DDX19B: variants seen among roughly 807,000 people sequenced by gnomAD.
DDX19B encodes DEAD-box helicase 19B.
A neutral mutation model predicts 58.1 loss-of-function variants in DDX19B; 27 were observed. The ratio of observed to expected loss-of-function variants is 0.46; its 90% confidence interval spans 0.34 to 0.64. The LOEUF (loss-of-function observed/expected upper bound fraction) is 0.64, where lower values mean the gene tolerates loss of function less well. Among genes scored for constraint, DDX19B ranks in the 30% least tolerant of loss-of-function variants. DDX19B has a pLI of 0.01. For synonymous variants in DDX19B, 187 were observed against 214.4 expected, an observed-to-expected ratio of 0.87 and a Z score of 1.12; for missense variants, 399 against 596.5, an observed-to-expected ratio of 0.67 and a Z score of 3.45.
upstream of DDX19B, among the ~76,000 whole-genome samples, chr16:70,295,999 T>G (rs1286227647): frequency 6.6e-6 from 1 of 150,816 alleles, no homozygotes; most frequent in African/African-American, 2.5e-5. Flanking sequence ...TGTGTGTATC[T>G]TAAGCATTTT....
chr16:70,306,553 CA>C (rs1961765814), intron 1 of DDX19B, among the ~76,000 whole-genome samples: 1 of 152,130 alleles, frequency 6.6e-6, no homozygotes, highest in African/African-American at 2.4e-5. Context: ...CTTGAGTTTG[CA>C]TCATAGAGTT....
intron 5 of DDX19B, among the ~76,000 whole-genome samples, chr16:70,324,381 A>G (rs963002819): frequency 2.7e-5 from 4 of 150,214 alleles, no homozygotes; most frequent in African/African-American, 9.9e-5. Context: ...AAAAAAAAAA[A>G]AAAAAAAGAA....
At chr16:70,328,706 C>T (rs998607687) in intron 7 of DDX19B, among the ~76,000 whole-genome samples, 6 of 151,900 alleles carry the variant, frequency 3.9e-5, no homozygotes, top group Non-Finnish European at 1.5e-5. Flanking sequence ...TGACTGTAGT[C>T]ACCACATTGT....
In DDX19B at chr16:70,333,722, T is replaced by C; in HGVS notation, c.*140T>C. On this transcript the variant is annotated 3_prime_UTR_variant, in exon 12 of 12. Coordinates refer to ENST00000288071, the MANE Select transcript of DDX19B (RefSeq NM_007242.7). Reference sequence around the variant, plus strand: ...ACTACCTACCTCACTTCAAATTATGTTTGGACTTGACAAAAATGTATGCAA... The same window carrying C: ...ACTACCTACCTCACTTCAAATTATGCTTGGACTTGACAAAAATGTATGCAA... The C allele has an allele frequency of 7.5e-7, 1 of 1,336,978 alleles. No homozygotes were observed. The highest frequency in any genetic ancestry group is 1.0e-6 in the Non-Finnish European group (1 of 955,328). The allele number at this position is 1,336,978 out of a possible 1,614,324, so 82.8% of individuals were successfully genotyped here. A position where few individuals can be genotyped will look rare whatever the true frequency, so the allele number is the denominator to read the frequency against.
rs1962950175 is a variant in DDX19B at position 70,323,274 on chromosome 16, T to TTAGCTTTTGTAGAGAAAGG, written c.390-1311_390-1310insTAGCTTTTGTAGAGAAAGG. On this transcript the variant is annotated intron_variant, in intron 5 of 11. Transcript: ENST00000288071. Reference sequence around the variant, plus strand: ...GGTATGTACCACCATGTCCAGCTAATGTTTGTATCTTTTGTAGAGAAAGGG... The same window carrying TTAGCTTTTGTAGAGAAAGG: ...GGTATGTACCACCATGTCCAGCTAATTAGCTTTTGTAGAGAAAGGGTTTGTATCTTTTGTAGAGAAAGGG... Among the ~76,000 whole-genome samples, 3 of 152,122 alleles carry TTAGCTTTTGTAGAGAAAGG rather than the reference T, an allele frequency of 2.0e-5. No homozygotes were observed. The South Asian group carries it at 6.2e-4, about 32-fold the overall frequency.
intron 4 of DDX19B, among the ~76,000 whole-genome samples, chr16:70,316,441 C>G (rs192312840): frequency 1.3e-5 from 2 of 152,256 alleles, no homozygotes; most frequent in Admixed American, 6.5e-5. Flanking sequence ...ATCTCCTGAA[C>G]TCATGATCCA....
intron 9 of DDX19B, 87 bp from the exon 10 acceptor site, chr16:70,331,635 T>C: frequency 6.7e-7 from 1 of 1,502,372 alleles, no homozygotes; most frequent in Non-Finnish European, 8.9e-7. Flanking sequence ...CTTCATGTAT[T>C]TTAATCGTGG....
At chr16:70,295,442 TA>T (rs34457246), upstream of DDX19B, among the ~76,000 whole-genome samples, 7 of 151,442 alleles carry the variant, frequency 4.6e-5, no homozygotes, top group Admixed American at 3.9e-4. Context: ...CCCAGCTACT[TA>T]AAAAAAATTT....
intron 1 of DDX19B, among the ~76,000 whole-genome samples, chr16:70,302,163 C>T (rs960143188): frequency 3.3e-5 from 5 of 152,116 alleles, no homozygotes; most frequent in Non-Finnish European, 7.3e-5. Context: ...TCAAGTGATC[C>T]GCATGCCTCA....
intron 5 of DDX19B, among the ~76,000 whole-genome samples, chr16:70,321,851 T>A (rs1482622780): frequency 1.4e-5 from 2 of 142,830 alleles, no homozygotes; most frequent in African/African-American, 5.3e-5. Flanking sequence ...CTGGCCAACA[T>A]GGTGAAACCC....
chr16:70,299,523 T>A (rs990079689), intron 1 of DDX19B, among the ~76,000 whole-genome samples, 169 bp downstream of exon 1: 1 of 152,150 alleles, frequency 6.6e-6, no homozygotes, highest in Non-Finnish European at 1.5e-5. Context: ...GCCTCCGCGT[T>A]ACGTAAGCGC....
upstream of DDX19B, chr16:70,290,093 T>C (rs1269094867): frequency 4.0e-6 from 1 of 250,060 alleles, no homozygotes; most frequent in Non-Finnish European, 8.2e-6. Flanking sequence ...GGAGGGTGAA[T>C]ATATATATAT....
rs759292065 is a variant in DDX19B, at chr16:70,329,483, G to C, written c.785+14G>C. The C allele has an allele frequency of 6.2e-7, 1 of 1,613,508 alleles. No homozygotes were observed. The highest frequency in any genetic ancestry group is 1.3e-5 in the African/African-American group (1 of 75,002). On this transcript the variant is annotated intron_variant, in intron 8 of 11. Transcript: ENST00000288071. The stretch of plus-strand genomic sequence containing the variant: ...CCGCATCCAGAGGTAGGGATCTCGA[G>C]GGTGGGGGACTCCTCAGATTCCCCA...
upstream of DDX19B, among the ~76,000 whole-genome samples, chr16:70,290,508 G>A (rs1012024052): frequency 3.3e-5 from 5 of 151,922 alleles, no homozygotes; most frequent in Non-Finnish European, 7.4e-5. Context: ...GCCTGGCTAC[G>A]GAGCAAGACT....
At position 70,317,580 on chromosome 16, in the gene DDX19B, T is replaced by G. The variant is rs141404545; in HGVS notation, c.381T>G (p.Leu127=). ...KIQENALPLM[L]AEPPQNLIAQ... is the part of the protein sequence containing the mutation. Reference sequence around the variant, plus strand: ...AAGAGAACGCATTGCCACTGATGCTTGCTGAGCCGTATGTGTCCTATTACA... The same window carrying G: ...AAGAGAACGCATTGCCACTGATGCTGGCTGAGCCGTATGTGTCCTATTACA... Residue 127 remains leucine (L), a synonymous_variant, in exon 5 of 12, where the codon CTT becomes CTG. Coordinates refer to ENST00000288071, the MANE Select transcript of DDX19B (RefSeq NM_007242.7). The G allele has an allele frequency of 5.7e-4, 924 of 1,612,084 alleles. 2 individuals carry two copies. Among genetic ancestry groups the G allele is most frequent in the Non-Finnish European group, 7.5e-4 (883 of 1,178,596 alleles).
intron 7 of DDX19B, 91 bp downstream of exon 7, chr16:70,325,779 T>C (rs1284058763): frequency 1.1e-6 from 1 of 928,052 alleles, no homozygotes; most frequent in Non-Finnish European, 1.7e-6. Flanking sequence ...AATAATACAA[T>C]AAACACATGT....
At chr16:70,307,677 G>A (rs1473273867) in intron 1 of DDX19B, among the ~76,000 whole-genome samples, 4 of 142,368 alleles carry the variant, frequency 2.8e-5, no homozygotes, top group African/African-American at 5.8e-5. Context: ...GTATATATAT[G>A]TGTGTGTGTG....
At chr16:70,293,673 G>A (rs1474748633), upstream of DDX19B, among the ~76,000 whole-genome samples, 2 of 139,098 alleles carry the variant, frequency 1.4e-5, no homozygotes, top group East Asian at 2.2e-4. Flanking sequence ...CTGCAGTGGC[G>A]CAATCTCGGC....
Position 70,299,315 on chromosome 16 carries a change from G to A in DDX19B, c.18G>A (p.Trp6Ter). The A allele has an allele frequency of 3.1e-6, 5 of 1,606,950 alleles. No individual in the cohort carries two copies. The highest frequency in any genetic ancestry group is 2.3e-5 in the East Asian group (1 of 44,426). Reference sequence around the variant, plus strand: ...CTGGGACCATGGCCACTGACTCATGGGCCCTGGCGGTGGACGAGCAGGAAG... The same window carrying A: ...CTGGGACCATGGCCACTGACTCATGAGCCCTGGCGGTGGACGAGCAGGAAG... The part of the protein sequence containing the change: MATDS[W>*]ALAVDEQEAA... The change falls in exon 1 of 12, where the codon TGG (tryptophan) becomes TGA (stop). Residue 6 changes from tryptophan (W) to a stop codon, truncating the protein, a stop_gained. Transcript: ENST00000288071. LOFTEE classifies it high-confidence loss of function.
Sources: allele counts gnomAD v4.1 joint callset (sites outside exome capture counted in the v4.1 genomes callset), GRCh38; gene constraint gnomAD v4.1.1; transcripts MANE v1.5; gene names NCBI Gene and HGNC (gene_info 2026-07-23, HGNC 2026-07-21).